Variants in GRID1 observed in about 807,000 individuals in gnomAD.
The protein encoded by GRID1 is glutamate ionotropic receptor delta type subunit 1.
In GRID1, 28 loss-of-function variants were observed where a neutral mutation model predicts 98.0. The observed-to-expected ratio is 0.29, with a 90% CI of 0.21 to 0.39. GRID1 has a LOEUF of 0.39. GRID1 is among the 10% of genes least tolerant of loss of function. GRID1 has a pLI of 1.00. For synonymous variants in GRID1, 553 were observed against 538.5 expected, an observed-to-expected ratio of 1.03 and a Z score of -0.37; for missense variants, 1,111 against 1,340.5, an observed-to-expected ratio of 0.83 and a Z score of 2.67.
At chr10:85,877,832 G>A (rs1840922883) in intron 5 of GRID1, among the ~76,000 whole-genome samples, 1 of 152,138 alleles carries the variant, frequency 6.6e-6, no homozygotes. Context: ...CGAGCTATAG[G>A]AGGAAATTCA....
At chr10:85,627,546 GC>G (rs1842926568) in intron 13 of GRID1, among the ~76,000 whole-genome samples, 2 of 152,230 alleles carry the variant, frequency 1.3e-5, no homozygotes, top group African/African-American at 4.8e-5. Flanking sequence ...TTTGGGAGGT[GC>G]CATCATGGGT....
intron 8 of GRID1, among the ~76,000 whole-genome samples, chr10:85,786,328 T>C (rs965249331): frequency 6.6e-6 from 1 of 152,194 alleles, no homozygotes; most frequent in African/African-American, 2.4e-5. Context: ...GCTGAGGGCA[T>C]GATCCCTGTT....
rs1487161377 is a variant in GRID1, at chr10:86,366,073, G to C, written c.79+241C>G. Among the ~76,000 whole-genome samples the C allele has an allele frequency of 2.6e-5, 4 of 152,072 alleles. No homozygotes were observed. The highest frequency in any genetic ancestry group is 9.7e-5 in the African/African-American group (4 of 41,440). On this transcript the variant is annotated intron_variant, in intron 1 of 15. Coordinates refer to ENST00000327946, the MANE Select transcript of GRID1 (RefSeq NM_017551.3). The surrounding 1 kb of genome is among the most constrained non-coding windows in gnomAD (Gnocchi z 4.1). The stretch of plus-strand genomic sequence containing the variant: ...GTGTTCCCCGAAGCGTCGGCCCTAA[G>C]TGTCGGTAGAGGCCGCGGGGCCCCG...
At chr10:86,023,856 A>T (rs1843081861) in intron 4 of GRID1, among the ~76,000 whole-genome samples, 1 of 152,138 alleles carries the variant, frequency 6.6e-6, no homozygotes, top group South Asian at 2.1e-4. Flanking sequence ...CTGTCCCGGC[A>T]CTACACATGA....
chr10:86,065,428 T>C (rs1203114366), intron 4 of GRID1, among the ~76,000 whole-genome samples: 1 of 152,226 alleles, frequency 6.6e-6, no homozygotes, highest in African/African-American at 2.4e-5. Context: ...CTCTACCTCA[T>C]ACCCCCATCC....
intron 2 of GRID1, among the ~76,000 whole-genome samples, chr10:86,233,585 A>G (rs2607836): frequency 0.89 from 135,824 of 151,966 alleles, 61,253 homozygotes; most frequent in African/African-American, 0.92. Context: ...CACAGCCAAC[A>G]TCAGACAGTG....
chr10:86,215,363 G>T (rs952066300), intron 2 of GRID1, among the ~76,000 whole-genome samples: 9 of 152,186 alleles, frequency 5.9e-5, no homozygotes, highest in African/African-American at 2.2e-4. Flanking sequence ...GGATCTCTGG[G>T]GCCTCATTCC....
intron 6 of GRID1, among the ~76,000 whole-genome samples, 199 bp from the exon 7 acceptor site, chr10:85,856,389 C>T (rs1052330767): frequency 6.6e-6 from 1 of 152,162 alleles, no homozygotes; most frequent in Admixed American, 6.5e-5. Flanking sequence ...TAAGACCTTG[C>T]CCTGCCTCAG....
At chr10:86,256,843 C>T (rs1470075378) in intron 2 of GRID1, among the ~76,000 whole-genome samples, 2 of 152,210 alleles carry the variant, frequency 1.3e-5, no homozygotes, top group African/African-American at 2.4e-5. Context: ...CTTCAGCCAC[C>T]GGGAAGCATC....
At chr10:86,144,119 A>G (rs1845051077) in intron 3 of GRID1, among the ~76,000 whole-genome samples, 1 of 152,184 alleles carries the variant, frequency 6.6e-6, no homozygotes, top group Admixed American at 6.5e-5. Context: ...CGCAGAACTT[A>G]ACATTTCAGA....
chr10:86,289,366 A>G (rs2253941), intron 2 of GRID1, among the ~76,000 whole-genome samples: 120,461 of 151,970 alleles, frequency 0.79, 49,663 homozygotes, highest in Non-Finnish European at 0.91. Flanking sequence ...GAAACAGAAC[A>G]TCGGCCAGCT....
chr10:86,097,831 T>C (rs1176698533), intron 4 of GRID1, among the ~76,000 whole-genome samples: 1 of 152,232 alleles, frequency 6.6e-6, no homozygotes. Context: ...GAATCTATCA[T>C]GGCTGAAGTT....
chr10:85,684,970 C>A (rs907307661), intron 12 of GRID1, among the ~76,000 whole-genome samples: 1 of 152,208 alleles, frequency 6.6e-6, no homozygotes, highest in Non-Finnish European at 1.5e-5. Context: ...CCTAAAGACT[C>A]TGTCTCCAGA....
At chr10:86,364,978 A>G (rs1194387666) in intron 1 of GRID1, among the ~76,000 whole-genome samples, 1 of 152,018 alleles carries the variant, frequency 6.6e-6, no homozygotes, top group Non-Finnish European at 1.5e-5. Context: ...TGCAACCTGG[A>G]CAGCTCTGGA....
chr10:86,303,500 G>A (rs1420093817), intron 2 of GRID1, among the ~76,000 whole-genome samples: 3 of 152,154 alleles, frequency 2.0e-5, no homozygotes, highest in Non-Finnish European at 2.9e-5. Context: ...GCAGGCAAGG[G>A]GAGAGCATGC....
At chr10:85,918,408 T>A (rs1841650716) in intron 4 of GRID1, among the ~76,000 whole-genome samples, 3 of 151,908 alleles carry the variant, frequency 2.0e-5, no homozygotes, top group African/African-American at 4.8e-5. Context: ...CCCCTTCCCG[T>A]CTCCCAAGGT....
intron 13 of GRID1, among the ~76,000 whole-genome samples, chr10:85,642,219 G>A (rs1210508204): frequency 6.6e-6 from 1 of 152,132 alleles, no homozygotes; most frequent in East Asian, 1.9e-4. Context: ...AAATGAGTTG[G>A]GCTGTTGTCC....
At chr10:85,813,853 G>T (rs908322155) in intron 8 of GRID1, among the ~76,000 whole-genome samples, 5 of 151,732 alleles carry the variant, frequency 3.3e-5, no homozygotes, top group Non-Finnish European at 7.4e-5. Context: ...ATAGCATAGG[G>T]GTAAGGGAGG....
intron 4 of GRID1, among the ~76,000 whole-genome samples, chr10:86,030,188 A>AT (rs1196433934): frequency 2.0e-5 from 3 of 152,252 alleles, no homozygotes; most frequent in Admixed American, 2.0e-4. Flanking sequence ...AGAAGGTTAT[A>AT]AAGGAAAGAG....
Sources: gnomAD v4.1 joint callset for allele counts (sites outside exome capture counted in the v4.1 genomes callset) on GRCh38, gnomAD v4.1.1 for gene constraint, Gnocchi (gnomAD v3.1) non-coding constraint, MANE v1.5 for transcripts, NCBI Gene and HGNC (gene_info 2026-07-23, HGNC 2026-07-21) for gene names.